The following LPIN2 variants were observed in gnomAD, a reference collection of about 807,000 sequenced individuals.
The protein encoded by LPIN2 is phosphatidate phosphatase LPIN2.
LPIN2 carries 55 observed loss-of-function variants against 111.4 expected under a neutral mutation model. The observed-to-expected ratio is 0.49, with a 90% CI of 0.40 to 0.62. LPIN2 has a LOEUF of 0.62. Ranked by LOEUF, LPIN2 falls within the 20% of genes least tolerant of loss-of-function variation. The probability of loss-of-function intolerance (pLI) is 0.00; values close to 1 mark genes in which losing one functional copy is unlikely to be tolerated. For missense variants in LPIN2, 992 were observed against 1,112.1 expected, an observed-to-expected ratio of 0.89 and a Z score of 1.54; for synonymous variants, 425 against 414.0, an observed-to-expected ratio of 1.03 and a Z score of -0.32.
At chr18:3,003,652 C>CT (rs2078466968) in intron 1 of LPIN2, among the ~76,000 whole-genome samples, 1 of 152,144 alleles carries the variant, frequency 6.6e-6, no homozygotes, top group Non-Finnish European at 1.5e-5. Context: ...TCTGTTTTTA[C>CT]TTTAATCTCT....
In LPIN2 at chr18:2,917,757, CACAG is replaced by C. The variant is rs946436683; in HGVS notation, c.*2532_*2535del. 1 of 152,274 alleles carries C rather than the reference CACAG, an allele frequency of 6.6e-6. No homozygotes were observed. Among genetic ancestry groups the C allele is most frequent in the Non-Finnish European group, 1.5e-5 (1 of 68,082 alleles). 9.4% of individuals were successfully genotyped at this position (152,274 alleles called of 1,614,324 possible). A position where few individuals can be genotyped will look rare whatever the true frequency, so the allele number is the denominator to read the frequency against. On this transcript the variant is annotated 3_prime_UTR_variant, in exon 20 of 20. Transcript: ENST00000677752. ...AACTCACACGGGACGAGCTTCAGCA[CACAG>C]ACAGCAAAGCAAATACGAGACTTAG...
At chr18:2,936,888 T>C (rs1401235558) in intron 7 of LPIN2, among the ~76,000 whole-genome samples, 1 of 152,172 alleles carries the variant, frequency 6.6e-6, no homozygotes, top group African/African-American at 2.4e-5. Flanking sequence ...CTTCTACCTA[T>C]TTTAGAGGGA....
chr18:2,957,827 T>C (rs913157579), intron 2 of LPIN2, among the ~76,000 whole-genome samples: 1 of 152,068 alleles, frequency 6.6e-6, no homozygotes, highest in African/African-American at 2.4e-5. Flanking sequence ...GCAATGAAAA[T>C]AGTTTTAATA....
At chr18:2,969,786 AT>A (rs566856890) in intron 1 of LPIN2, among the ~76,000 whole-genome samples, 1 of 152,334 alleles carries the variant, frequency 6.6e-6, no homozygotes, top group East Asian at 1.9e-4. Context: ...GTTACCCACG[AT>A]TCTGACAGAC....
chr18:2,923,455 A>G (rs1443883166), intron 16 of LPIN2, among the ~76,000 whole-genome samples: 1 of 151,762 alleles, frequency 6.6e-6, no homozygotes. Flanking sequence ...AAAAATTTAA[A>G]ATACCCAGAA....
intron 1 of LPIN2, among the ~76,000 whole-genome samples, chr18:2,962,529 TA>T (rs553557826): frequency 5.5e-4 from 83 of 150,738 alleles, no homozygotes; most frequent in South Asian, 1.3e-3. Flanking sequence ...ATAAGAAACA[TA>T]AAAAAAAAGT....
In LPIN2 at chr18:2,951,047, A is replaced by T; in HGVS notation, c.590+8T>A. 6.2e-7 allele frequency: 1 copy of T among 1,613,946 alleles called. No individual in the cohort carries two copies. On this transcript the variant is annotated splice_region_variant and intron_variant, in intron 4 of 19. Transcript: ENST00000677752. ...CGCACAAGACCCTTCCCAGGCTGAG[A>T]GTCCTACCGTGCTGCCTGGGCCCCC... is the stretch of plus-strand genomic sequence containing the variant.
At chr18:3,001,292 G>A (rs1292163862) in intron 1 of LPIN2, among the ~76,000 whole-genome samples, 3 of 152,196 alleles carry the variant, frequency 2.0e-5, no homozygotes, top group Admixed American at 6.5e-5. Flanking sequence ...GATTCAGGAT[G>A]AGTGAGGTGT....
Position 2,925,317 on chromosome 18 carries a change from T to C in LPIN2, c.1845A>G (p.Glu615=), listed in dbSNP as rs1051307838. ...TGGGGATGGGGTCCACTGTGATGGA[T>C]TCTTCGAGCTCCTGTGATCCCTCGT... ...SSDEGSQELE[E]SITVDPIPTE... Residue 615 remains glutamate (E), a synonymous_variant, in exon 14 of 20, where the codon GAA becomes GAG. Transcript: ENST00000677752. The surrounding 1 kb of genome is among the most constrained non-coding windows in gnomAD (Gnocchi z 4.1). 6.2e-6 allele frequency: 10 copies of C among 1,614,122 alleles called. No homozygotes were observed. Among genetic ancestry groups the C allele is most frequent in the Non-Finnish European group, 8.5e-6 (10 of 1,179,976 alleles).
chr18:2,969,971 A>G (rs1478427587), intron 1 of LPIN2, among the ~76,000 whole-genome samples: 1 of 152,140 alleles, frequency 6.6e-6, no homozygotes, highest in African/African-American at 2.4e-5. Context: ...ATAGTAATAG[A>G]ATTTTAGACA....
Position 2,969,251 on chromosome 18 carries a change from TC to T in LPIN2, c.-9-8403del, listed in dbSNP as rs555030505. On this transcript the variant is annotated intron_variant, in intron 1 of 19. Coordinates refer to ENST00000677752, the MANE Select transcript of LPIN2 (RefSeq NM_001375808.2). The stretch of plus-strand genomic sequence containing the variant: ...AGAGCTCTTGCTACTTTGTGCTACT[TC>T]CAAAATCAGTTCAACAGAAAACTGA... Among the ~76,000 whole-genome samples, 6 of 152,362 alleles carry T rather than the reference TC, an allele frequency of 3.9e-5. No individual in the cohort carries two copies. The South Asian group carries it at 1.2e-3, about 32-fold the overall frequency.
Position 2,917,526 on chromosome 18 carries a change from C to CAT in LPIN2, c.*2766_*2767insAT, listed in dbSNP as rs1245789129. ...TCCGGGCCAGCGCTTCCCAGTCATC[C>CAT]AATCTCCTTTGTCCCTCGGTTGTTC... On this transcript the variant is annotated 3_prime_UTR_variant, in exon 20 of 20. Transcript: ENST00000677752. 2 of 152,254 alleles carry CAT rather than the reference C, an allele frequency of 1.3e-5. No homozygotes were observed. Among genetic ancestry groups the CAT allele is most frequent in the Non-Finnish European group, 2.9e-5 (2 of 68,058 alleles). 9.4% of individuals were successfully genotyped at this position (152,254 alleles called of 1,614,324 possible). A position where few individuals can be genotyped will look rare whatever the true frequency, so the allele number is the denominator to read the frequency against.
chr18:2,950,183 C>G (rs953381303), intron 4 of LPIN2: 2 of 152,148 alleles, frequency 1.3e-5, no homozygotes, highest in Non-Finnish European at 2.9e-5. Context: ...AAAACACATA[C>G]CAGATTGAGC....
chr18:2,993,039 A>G (rs2078289029), intron 1 of LPIN2, among the ~76,000 whole-genome samples: 1 of 151,612 alleles, frequency 6.6e-6, no homozygotes, highest in Non-Finnish European at 1.5e-5. Context: ...TGTAGTACTC[A>G]GAGGCTGAGG....
At position 2,937,706 on chromosome 18, in the gene LPIN2, G is replaced by A. The variant is rs754221410; in HGVS notation, c.1154C>T (p.Pro385Leu). The change falls in exon 7 of 20, where the codon CCG becomes CTG. Residue 385 changes from proline to leucine, a missense_variant. Pro to Leu is a moderately conservative substitution (Grantham distance 98, BLOSUM62 -3). Transcript: ENST00000677752. ...ESKPAAKVDS[P>L]SKKKGVHKRS... ...CAAACGATTACCTTTCTTCTTTGAC[G>A]GCGAGTCTACTTTAGCTGCCGGTTT... 111 of 1,613,774 alleles carry A rather than the reference G, an allele frequency of 6.9e-5. No individual in the cohort carries two copies. Among genetic ancestry groups the A allele is most frequent in the South Asian group, 4.4e-4 (40 of 91,072 alleles).
At chr18:2,988,040 AATC>A (rs2078213016) in intron 1 of LPIN2, among the ~76,000 whole-genome samples, 2 of 148,662 alleles carry the variant, frequency 1.3e-5, no homozygotes, top group South Asian at 2.1e-4. Context: ...AAAAAAAAAG[AATC>A]ATCATGAGTG....
intron 1 of LPIN2, chr18:2,972,219 A>C (rs1188052847): frequency 6.6e-6 from 1 of 152,292 alleles, no homozygotes; most frequent in African/African-American, 2.4e-5. Context: ...AGTGACAAAA[A>C]TGACACCGCC....
At chr18:2,963,071 AG>A (rs112264459) in intron 1 of LPIN2, among the ~76,000 whole-genome samples, 1,568 of 152,344 alleles carry the variant, frequency 0.01, 26 homozygotes, top group African/African-American at 0.035. Flanking sequence ...AGAAAAATAC[AG>A]GTTGTCAAAT....
chr18:2,992,755 G>A (rs555873213), intron 1 of LPIN2, among the ~76,000 whole-genome samples: 165 of 152,050 alleles, frequency 1.1e-3, no homozygotes, highest in African/African-American at 3.6e-3. Flanking sequence ...AGGTCGAGGC[G>A]GGCAGATCAT....
Sources: gnomAD v4.1 joint callset for allele counts (sites outside exome capture counted in the v4.1 genomes callset) on GRCh38, gnomAD v4.1.1 for gene constraint, Gnocchi (gnomAD v3.1) non-coding constraint, MANE v1.5 for transcripts, NCBI Gene and HGNC (gene_info 2026-07-23, HGNC 2026-07-21) for gene names.